GDA: variants seen among roughly 807,000 people sequenced by gnomAD.
GDA encodes the protein cytoplasmic PSD-95 interactor.
GDA carries 18 observed loss-of-function variants against 59.6 expected under a neutral mutation model. The observed-to-expected ratio is 0.30, with a 90% CI of 0.21 to 0.45. GDA has a LOEUF of 0.45. Ranked by LOEUF, GDA falls within the 20% of genes least tolerant of loss-of-function variation. The pLI is 1.00. For missense variants in GDA, 427 were observed against 552.3 expected, an observed-to-expected ratio of 0.77 and a Z score of 2.27; for synonymous variants, 201 against 201.1, an observed-to-expected ratio of 1.00 and a Z score of 0.00.
At chr9:72,118,091 T>C (rs180874313) in intron 1 of GDA, among the ~76,000 whole-genome samples, 1,797 of 151,644 alleles carry the variant, frequency 0.012, 30 homozygotes, top group African/African-American at 0.041. Context: ...GCTAACATGG[T>C]GAAACCCCGT....
chr9:72,154,985 A>C (rs1827723032), intron 1 of GDA, among the ~76,000 whole-genome samples: 1 of 152,190 alleles, frequency 6.6e-6, no homozygotes, highest in African/African-American at 2.4e-5. Flanking sequence ...AAATTAACAG[A>C]ATCTGCCATG....
rs867390064 is a variant in GDA, at chr9:72,212,947, G to A, written c.473-939G>A. Among the ~76,000 whole-genome samples the A allele has an allele frequency of 2.0e-5, 3 of 152,210 alleles. No individual in the cohort carries two copies. In the South Asian group the frequency reaches 6.2e-4, roughly 32 times the overall value. On this transcript the variant is annotated intron_variant, in intron 4 of 13. Coordinates refer to ENST00000358399, the MANE Select transcript of GDA (RefSeq NM_004293.5). ...ATTTAATGAAAATATAGACACACTG[G>A]ATAAGCAAAGGGAAAAACTGAATAA...
chr9:72,178,633 G>A (rs1274709008), intron 1 of GDA, among the ~76,000 whole-genome samples: 3 of 152,040 alleles, frequency 2.0e-5, no homozygotes, highest in South Asian at 2.1e-4. Context: ...GGTCAGGCTG[G>A]TCTCGAACTC....
At chr9:72,115,093 A>G (rs1250032011) in intron 1 of GDA, among the ~76,000 whole-genome samples, 1 of 152,226 alleles carries the variant, frequency 6.6e-6, no homozygotes, top group Non-Finnish European at 1.5e-5. Context: ...CCAGAAAATT[A>G]AGTGGCATTT....
chr9:72,258,922 T>G (rs1404686044), downstream of GDA, among the ~76,000 whole-genome samples: 1 of 152,184 alleles, frequency 6.6e-6, no homozygotes, highest in East Asian at 1.9e-4. Context: ...CTAGGCTTCT[T>G]GCAGGGCCAG....
chr9:72,245,795 C>G (rs186572623), intron 12 of GDA, among the ~76,000 whole-genome samples: 5 of 152,190 alleles, frequency 3.3e-5, no homozygotes, highest in African/African-American at 1.2e-4. Context: ...TATGCTATGT[C>G]AATGTTTTTA....
intron 2 of GDA, among the ~76,000 whole-genome samples, chr9:72,196,055 T>A (rs943679372): frequency 6.6e-6 from 1 of 152,072 alleles, no homozygotes; most frequent in Non-Finnish European, 1.5e-5. Context: ...AATTTGAGAA[T>A]CAATTGGTTG....
In GDA at chr9:72,251,036, G is replaced by A; in HGVS notation, c.*2694G>A. On this transcript the variant is annotated 3_prime_UTR_variant, in exon 14 of 14. Coordinates refer to ENST00000358399, the MANE Select transcript of GDA (RefSeq NM_004293.5). ...TGTTCCCTAATTTATTCTCTTGGCT[G>A]GTTCTCTCATTGAATTATCAGACCC... is the stretch of plus-strand genomic sequence containing the variant. 2 of 533,680 alleles carry A rather than the reference G, an allele frequency of 3.7e-6. No homozygotes were observed. The highest frequency in any genetic ancestry group is 4.6e-5 in the South Asian group (2 of 43,736). 33.1% of individuals were successfully genotyped at this position (533,680 alleles called of 1,614,324 possible).
chr9:72,124,871 G>C (rs988981020), intron 1 of GDA, among the ~76,000 whole-genome samples: 1 of 152,142 alleles, frequency 6.6e-6, no homozygotes, highest in African/African-American at 2.4e-5. Flanking sequence ...GCCTCCCAAA[G>C]TGCTGAGATT....
chr9:72,172,429 G>A lies in GDA; in HGVS notation c.123+22747G>A, dbSNP rs552978896. 9.9e-5 allele frequency among the ~76,000 whole-genome samples: 15 copies of A among 152,246 alleles called. No individual in the cohort carries two copies. In the South Asian group the frequency reaches 3.1e-3, roughly 32 times the overall value. On this transcript the variant is annotated intron_variant, in intron 1 of 13. Coordinates refer to ENST00000358399, the MANE Select transcript of GDA (RefSeq NM_004293.5). ...AGAAATTGAGTATTACAAAAGTTAA[G>A]TAACTTGCCCAAGAATTTGCAGATA... is the stretch of plus-strand genomic sequence containing the variant.
intron 4 of GDA, among the ~76,000 whole-genome samples, chr9:72,212,732 G>A (rs1460285332): frequency 6.6e-6 from 1 of 152,054 alleles, no homozygotes; most frequent in Non-Finnish European, 1.5e-5. Flanking sequence ...TCTAGAAGAG[G>A]ACCATGATAG....
Position 72,225,686 on chromosome 9 carries a change from A to T in GDA, c.724A>T (p.Ser242Cys), listed in dbSNP as rs983523208. ...TRDLHIQSHI[S>C]ENRDEVEAVK... ...TATTTTTTTCTTGTAGAGCCATATA[A>T]GTGAAAATCGTGATGAAGTTGAAGC... The change falls in exon 8 of 14, where the codon AGT (serine) becomes TGT (cysteine). Residue 242 changes from serine to cysteine, a missense_variant. By Grantham distance (112) the Ser-to-Cys change is moderately radical. Transcript: ENST00000358399. 6.9e-7 allele frequency: 1 copy of T among 1,459,728 alleles called. No homozygotes were observed. The highest frequency in any genetic ancestry group is 1.8e-5 in the Admixed American group (1 of 55,324). 90.4% of individuals were successfully genotyped at this position (1,459,728 alleles called of 1,614,324 possible).
chr9:72,230,179 G>C (rs1838156059), intron 9 of GDA, among the ~76,000 whole-genome samples: 1 of 152,114 alleles, frequency 6.6e-6, no homozygotes, highest in African/African-American at 2.4e-5. Flanking sequence ...GATCACCTTA[G>C]TTTTCCTTTG....
intron 11 of GDA, among the ~76,000 whole-genome samples, chr9:72,242,510 T>C (rs910268212): frequency 6.6e-6 from 1 of 152,176 alleles, no homozygotes; most frequent in African/African-American, 2.4e-5. Context: ...TAGAAACATA[T>C]TGGGTGTAGA....
At chr9:72,238,264 A>T (rs913198819) in intron 10 of GDA, among the ~76,000 whole-genome samples, 4 of 152,172 alleles carry the variant, frequency 2.6e-5, no homozygotes, top group Admixed American at 1.3e-4. Context: ...CTCTGTCTGA[A>T]TGCCCTTTTG....
At chr9:72,247,474 C>G (rs191573551) in intron 13 of GDA, 41 bp downstream of exon 13, 1 of 1,067,772 alleles carries the variant, frequency 9.4e-7, no homozygotes, top group Non-Finnish European at 1.4e-6. Flanking sequence ...TTAAATAGAA[C>G]CTTTCCCTGT....
intron 1 of GDA, among the ~76,000 whole-genome samples, chr9:72,117,388 A>G (rs1825491409): frequency 6.6e-6 from 1 of 152,126 alleles, no homozygotes. Context: ...TTATAAAATG[A>G]TAATTTGAGA....
At chr9:72,139,759 C>T (rs542895049) in intron 1 of GDA, among the ~76,000 whole-genome samples, 1 of 152,296 alleles carries the variant, frequency 6.6e-6, no homozygotes, top group Non-Finnish European at 1.5e-5. Context: ...CTACACAATG[C>T]ATAGCATCTT....
intron 1 of GDA, among the ~76,000 whole-genome samples, chr9:72,165,007 G>T (rs1383971696): frequency 7.5e-6 from 1 of 133,324 alleles, no homozygotes; most frequent in Non-Finnish European, 1.7e-5. Context: ...AAAAAAAAAT[G>T]CTCTGGCTGT....
Sources: allele counts gnomAD v4.1 joint callset (sites outside exome capture counted in the v4.1 genomes callset), GRCh38; gene constraint gnomAD v4.1.1; transcripts MANE v1.5; gene names NCBI Gene and HGNC (gene_info 2026-07-23, HGNC 2026-07-21).